CLYBL: variants seen among roughly 807,000 people sequenced by gnomAD.
The protein encoded by CLYBL is citramalyl-CoA lyase, mitochondrial.
CLYBL carries 31 observed loss-of-function variants against 38.9 expected under a neutral mutation model. That is an observed-to-expected ratio of 0.80 (90% CI 0.60 to 1.08). The LOEUF (loss-of-function observed/expected upper bound fraction) is 1.08. Ranked by LOEUF, CLYBL falls within the 50% of genes least tolerant of loss-of-function variation. CLYBL has a pLI of 0.00. For synonymous variants in CLYBL, 171 were observed against 158.6 expected (o/e 1.08, Z -0.59); for missense variants, 434 against 411.6 (o/e 1.05, Z -0.47).
chr13:99,646,440 C>A (rs1488425726), intron 1 of CLYBL, among the ~76,000 whole-genome samples: 1 of 151,312 alleles, frequency 6.6e-6, no homozygotes, highest in African/African-American at 2.4e-5. Flanking sequence ...GGGCATCTTG[C>A]ATTTACAATG....
chr13:99,609,465 G>A (rs536581634), intron 1 of CLYBL, among the ~76,000 whole-genome samples: 119 of 152,160 alleles, frequency 7.8e-4, no homozygotes, highest in Non-Finnish European at 1.2e-3. Flanking sequence ...GTGAGCCACC[G>A]TGCCCAGCCG....
intron 7 of CLYBL, among the ~76,000 whole-genome samples, chr13:99,876,234 A>G (rs527706574): frequency 6.6e-5 from 10 of 151,594 alleles, no homozygotes; most frequent in African/African-American, 2.2e-4. Flanking sequence ...AGCCTTGCCA[A>G]CATAGTAAAA....
At chr13:99,761,310 GCCACT>G (rs2049161194) in intron 1 of CLYBL, among the ~76,000 whole-genome samples, 1 of 152,206 alleles carries the variant, frequency 6.6e-6, no homozygotes, top group South Asian at 2.1e-4. Flanking sequence ...CCAAGATCGT[GCCACT>G]CCACTCCAGC....
chr13:99,709,436 G>A (rs998634998), intron 1 of CLYBL, among the ~76,000 whole-genome samples: 3 of 152,156 alleles, frequency 2.0e-5, no homozygotes, highest in Admixed American at 6.5e-5. Context: ...TCATTGACCC[G>A]AGAACCTGCC....
At chr13:99,798,088 A>G (rs1447177976) in intron 2 of CLYBL, among the ~76,000 whole-genome samples, 1 of 152,168 alleles carries the variant, frequency 6.6e-6, no homozygotes, top group Non-Finnish European at 1.5e-5. Context: ...TCTTGAAACA[A>G]TATTTGCCAG....
intron 1 of CLYBL, among the ~76,000 whole-genome samples, chr13:99,611,249 T>A (rs2046621930): frequency 6.6e-6 from 1 of 152,266 alleles, no homozygotes; most frequent in African/African-American, 2.4e-5. Context: ...TGAAAAAGTT[T>A]ATTCTGACAA....
chr13:99,806,301 ATTAC>A (rs1324391482), intron 2 of CLYBL, among the ~76,000 whole-genome samples: 5 of 152,214 alleles, frequency 3.3e-5, no homozygotes, highest in Non-Finnish European at 5.9e-5. Context: ...CACATTAAGT[ATTAC>A]TTTTAACTTT....
chr13:99,621,802 T>C (rs1237082681), intron 1 of CLYBL, among the ~76,000 whole-genome samples: 1 of 152,098 alleles, frequency 6.6e-6, no homozygotes, highest in Non-Finnish European at 1.5e-5. Context: ...TAGTGGATTT[T>C]ATGTGTGGTC....
At chr13:99,641,091 G>A (rs966286602) in intron 1 of CLYBL, among the ~76,000 whole-genome samples, 2 of 152,254 alleles carry the variant, frequency 1.3e-5, no homozygotes, top group East Asian at 1.9e-4. Context: ...TCTATTGAGC[G>A]TTCTCTGAAT....
intron 2 of CLYBL, among the ~76,000 whole-genome samples, chr13:99,773,943 T>C (rs1033402765): frequency 1.3e-5 from 2 of 152,078 alleles, no homozygotes; most frequent in Admixed American, 1.3e-4. Flanking sequence ...AATATCCAAC[T>C]TGTAGGCCGG....
At chr13:99,774,880 C>A (rs1269855960) in intron 2 of CLYBL, among the ~76,000 whole-genome samples, 2 of 152,152 alleles carry the variant, frequency 1.3e-5, no homozygotes, top group Non-Finnish European at 2.9e-5. Flanking sequence ...CTTCCCATAA[C>A]TCATGTAGTG....
chr13:99,623,249 A>C (rs752716039), intron 1 of CLYBL, among the ~76,000 whole-genome samples: 1 of 152,306 alleles, frequency 6.6e-6, no homozygotes, highest in African/African-American at 2.4e-5. Flanking sequence ...ATTTCTCCAC[A>C]TCCTCGCCAA....
In CLYBL at chr13:99,891,439, T is replaced by G. The variant is rs2052487620; in HGVS notation, c.*24+2T>G. 1.9e-6 allele frequency: 3 copies of G among 1,540,142 alleles called. No individual in the cohort carries two copies. Among genetic ancestry groups the G allele is most frequent in the Admixed American group, 1.7e-5 (1 of 59,912 alleles). On this transcript the variant is annotated splice_donor_variant, in intron 8 of 8. Coordinates refer to ENST00000339105, the MANE Select transcript of CLYBL (RefSeq NM_206808.5). LOFTEE classifies it low-confidence loss of function (3UTR_SPLICE). ...TCTGTTAAATGAAGCTGTCATCAGG[T>G]GGGCTGAACATATACAGTGGGGTTC... is the stretch of plus-strand genomic sequence containing the variant.
intron 2 of CLYBL, among the ~76,000 whole-genome samples, chr13:99,800,907 CAAA>C (rs66941924): frequency 7.2e-5 from 10 of 139,230 alleles, no homozygotes; most frequent in African/African-American, 2.7e-4. Flanking sequence ...AAAAAAAAAA[CAAA>C]AAAAAAAAAA....
At chr13:99,677,983 C>T (rs2047678809) in intron 1 of CLYBL, among the ~76,000 whole-genome samples, 1 of 152,128 alleles carries the variant, frequency 6.6e-6, no homozygotes, top group Non-Finnish European at 1.5e-5. Context: ...GACATGCTAA[C>T]CGTTGTAGAA....
chr13:99,663,555 C>G (rs1029081517), intron 1 of CLYBL, among the ~76,000 whole-genome samples: 1 of 152,094 alleles, frequency 6.6e-6, no homozygotes, highest in Admixed American at 6.5e-5. Context: ...CTGTGGAGTT[C>G]GGGACATGCC....
intron 1 of CLYBL, among the ~76,000 whole-genome samples, chr13:99,714,528 A>C (rs996557379): frequency 2.0e-5 from 3 of 152,032 alleles, no homozygotes; most frequent in Admixed American, 2.0e-4. Flanking sequence ...GAGGCAGGAG[A>C]ACTGCTTGAA....
intron 2 of CLYBL, among the ~76,000 whole-genome samples, chr13:99,833,007 C>CATATATATATATATATAT (rs1555314795): frequency 1.6e-4 from 8 of 51,580 alleles, no homozygotes; most frequent in African/African-American, 6.2e-4. Flanking sequence ...TACATACATA[C>CATATATATATATATATAT]ATATATATAT....
At chr13:99,703,554 A>G (rs2048102416) in intron 1 of CLYBL, among the ~76,000 whole-genome samples, 1 of 152,072 alleles carries the variant, frequency 6.6e-6, no homozygotes, top group South Asian at 2.1e-4. Context: ...TATTTTTAGT[A>G]GAGACGGTAT....
Sources: gnomAD v4.1 joint callset for allele counts (sites outside exome capture counted in the v4.1 genomes callset) on GRCh38, gnomAD v4.1.1 for gene constraint, MANE v1.5 for transcripts, NCBI Gene and HGNC (gene_info 2026-07-23, HGNC 2026-07-21) for gene names.